Variants in HACE1 observed in about 807,000 individuals in gnomAD.
HACE1 encodes HECT domain and ankyrin repeat containing E3 ubiquitin protein ligase 1.
Under a neutral mutation model 118.4 loss-of-function variants are expected in HACE1, and 73 were observed. That is an observed-to-expected ratio of 0.62 (90% CI 0.51 to 0.75). HACE1 has a LOEUF of 0.75. Ranked by LOEUF, HACE1 falls within the 30% of genes least tolerant of loss-of-function variation. The pLI is 0.00. For missense variants in HACE1, 749 were observed against 1,102.2 expected (o/e 0.68, Z 4.54); for synonymous variants, 368 against 374.8 (o/e 0.98, Z 0.21).
rs543628666 is a variant in HACE1 at position 104,845,315 on chromosome 6, G to A, written c.327-2017C>T. 3.9e-5 allele frequency among the ~76,000 whole-genome samples: 6 copies of A among 151,976 alleles called. No individual in the cohort carries two copies. In the South Asian group the frequency reaches 1.0e-3, roughly 26 times the overall value. On this transcript the variant is annotated intron_variant, in intron 4 of 23. Transcript: ENST00000262903. ...ACTTTGATTATTAATATTCAATCTTGTAAGTCAATAGCTAAAATTCTCATT... is the reference window on the plus strand; with the variant it reads ...ACTTTGATTATTAATATTCAATCTTATAAGTCAATAGCTAAAATTCTCATT...
chr6:104,771,098 A>C lies in HACE1; in HGVS notation c.2211+95T>G, dbSNP rs1207413989. ...TCTGCTATGATACTGTAATAGTAAA[A>C]GTTTTTCTACAAGTGCCAGAAGAAT... is the stretch of plus-strand genomic sequence containing the variant. On this transcript the variant is annotated intron_variant, in intron 19 of 23. Coordinates refer to ENST00000262903, the MANE Select transcript of HACE1 (RefSeq NM_020771.4). 9.3e-6 allele frequency: 8 copies of C among 861,300 alleles called. No individual in the cohort carries two copies. The Middle Eastern group carries it at 6.5e-4, about 70-fold the overall frequency. 53.4% of individuals were successfully genotyped at this position (861,300 alleles called of 1,614,324 possible).
intron 19 of HACE1, among the ~76,000 whole-genome samples, chr6:104,760,538 T>C (rs984466342): frequency 1.3e-5 from 2 of 152,138 alleles, no homozygotes; most frequent in African/African-American, 4.8e-5. Flanking sequence ...ATTGATGGAA[T>C]GCATCTCAAA....
intron 7 of HACE1, among the ~76,000 whole-genome samples, chr6:104,801,031 T>G (rs557219928): frequency 1.1e-4 from 16 of 152,272 alleles, no homozygotes; most frequent in Non-Finnish European, 1.9e-4. Context: ...AATGACCTGA[T>G]GGAGCTGAAA....
At chr6:104,787,486 G>C (rs1364070025) in intron 11 of HACE1, 1 of 152,124 alleles carries the variant, frequency 6.6e-6, no homozygotes. Context: ...AAGATGAAAA[G>C]AACTTATGTC....
chr6:104,842,929 T>C (rs1775258246), intron 5 of HACE1, among the ~76,000 whole-genome samples: 1 of 152,130 alleles, frequency 6.6e-6, no homozygotes, highest in African/African-American at 2.4e-5. Flanking sequence ...CTGGCCAACA[T>C]GGTGAAACCC....
intron 22 of HACE1, chr6:104,732,362 C>T (rs1309663057): frequency 6.6e-6 from 1 of 152,014 alleles, no homozygotes; most frequent in African/African-American, 2.4e-5. Context: ...TATTATTTAG[C>T]CTTAAAAAGG....
intron 5 of HACE1, among the ~76,000 whole-genome samples, chr6:104,838,225 A>G (rs1034309359): frequency 6.6e-6 from 1 of 152,190 alleles, no homozygotes; most frequent in Non-Finnish European, 1.5e-5. Context: ...TTTATATGGA[A>G]TCACAAAAGA....
chr6:104,794,383 C>A (rs1380597378), intron 10 of HACE1, among the ~76,000 whole-genome samples: 1 of 152,136 alleles, frequency 6.6e-6, no homozygotes, highest in Admixed American at 6.5e-5. Flanking sequence ...TTATAGGGTA[C>A]TTAAAATTAT....
chr6:104,738,498 G>A (rs1776210965), intron 22 of HACE1, among the ~76,000 whole-genome samples: 1 of 149,812 alleles, frequency 6.7e-6, no homozygotes, highest in Admixed American at 6.6e-5. Context: ...TGAAAACCAA[G>A]GCTCGAGAAC....
chr6:104,804,468 T>C (rs560984006), intron 7 of HACE1, among the ~76,000 whole-genome samples: 1 of 152,104 alleles, frequency 6.6e-6, no homozygotes, highest in East Asian at 1.9e-4. Context: ...CAAACTATAC[T>C]ACAAGGCTAC....
chr6:104,796,603 T>C, intron 9 of HACE1, 52 bp downstream of exon 9: 1 of 906,458 alleles, frequency 1.1e-6, no homozygotes, highest in South Asian at 1.3e-5. Context: ...TCATATATGC[T>C]GAGCAGGAAT....
In HACE1 at chr6:104,796,390, G is replaced by A. The variant is rs567021294; in HGVS notation, c.816+265C>T. Among the ~76,000 whole-genome samples the A allele has an allele frequency of 2.6e-5, 4 of 152,236 alleles. No homozygotes were observed. The South Asian group carries it at 6.2e-4, about 24-fold the overall frequency. On this transcript the variant is annotated intron_variant, in intron 9 of 23. Transcript: ENST00000262903. The stretch of plus-strand genomic sequence containing the variant: ...CTCCCAAAGTGCTGGAATTACAGGC[G>A]TGAGATACCACGCCCAGCCTATTCT...
chr6:104,760,636 C>G (rs1779244711), intron 19 of HACE1, among the ~76,000 whole-genome samples: 1 of 152,146 alleles, frequency 6.6e-6, no homozygotes, highest in Non-Finnish European at 1.5e-5. Flanking sequence ...AAAACTGGCA[C>G]AAGATAAGGA....
chr6:104,802,848 A>G (rs899446005), intron 7 of HACE1, among the ~76,000 whole-genome samples: 3 of 152,220 alleles, frequency 2.0e-5, no homozygotes, highest in African/African-American at 7.2e-5. Context: ...GCAGAAGGCA[A>G]GAAATAACTA....
Position 104,774,251 on chromosome 6 carries a change from G to A in HACE1, c.1865-2177C>T, listed in dbSNP as rs1188084794. Among the ~76,000 whole-genome samples the A allele has an allele frequency of 5.7e-4, 73 of 128,158 alleles. 11 individuals are homozygous for A. Among genetic ancestry groups the A allele is most frequent in the African/African-American group, 2.4e-3 (70 of 28,622 alleles). 84.1% of individuals were successfully genotyped at this position (128,158 alleles called of 152,430 possible). On this transcript the variant is annotated intron_variant, in intron 17 of 23. Coordinates refer to ENST00000262903, the MANE Select transcript of HACE1 (RefSeq NM_020771.4). The stretch of plus-strand genomic sequence containing the variant: ...ACTACAGGCGCCCGCCACTACGCCC[G>A]GCTAATTTTTTTGTATTTTTAGTAG...
intron 4 of HACE1, 91 bp downstream of exon 4, chr6:104,849,051 C>G: frequency 1.3e-6 from 1 of 782,120 alleles, no homozygotes; most frequent in East Asian, 2.5e-5. Flanking sequence ...AGGTAAATAT[C>G]AGGGATGCGG....
At chr6:104,839,446 ATC>A (rs1774876974) in intron 5 of HACE1, among the ~76,000 whole-genome samples, 1 of 152,236 alleles carries the variant, frequency 6.6e-6, no homozygotes, top group Non-Finnish European at 1.5e-5. Context: ...ATATAGTTCT[ATC>A]TCTGTAACAT....
rs1283576488 is a variant in HACE1, at chr6:104,785,152, C to T, written c.1242G>A (p.Gly414=). 3.1e-6 allele frequency: 5 copies of T among 1,613,982 alleles called. No individual in the cohort carries two copies. In the South Asian group the frequency reaches 4.4e-5, roughly 14 times the overall value. Residue 414 remains glycine (G), a synonymous_variant, in exon 12 of 24, where the codon GGG becomes GGA. Transcript: ENST00000262903. ...TGCCAGTGGACAGATTTTCATAGCTCCCAGGTCCTGGAGGTTCAAATGGAG... is the reference window on the plus strand; with the variant it reads ...TGCCAGTGGACAGATTTTCATAGCTTCCAGGTCCTGGAGGTTCAAATGGAG... ...SIPPFEPPGP[G]SYENLSTGTR...
chr6:104,740,627 G>A (rs1425447238), intron 22 of HACE1, among the ~76,000 whole-genome samples: 47 of 150,668 alleles, frequency 3.1e-4, no homozygotes, highest in African/African-American at 1.1e-3. Context: ...TTGAATCTCT[G>A]AATAGACCAA....
Sources: allele counts gnomAD v4.1 joint callset (sites outside exome capture counted in the v4.1 genomes callset), GRCh38; gene constraint gnomAD v4.1.1; transcripts MANE v1.5; gene names NCBI Gene and HGNC (gene_info 2026-07-23, HGNC 2026-07-21).